PALLD: variants seen among roughly 807,000 people sequenced by gnomAD.
PALLD encodes the protein palladin.
In PALLD, 61 loss-of-function variants were observed where a neutral mutation model predicts 123.5. The observed-to-expected ratio is 0.49, with a 90% CI of 0.40 to 0.61. The LOEUF (loss-of-function observed/expected upper bound fraction) is 0.61, where lower values mean the gene tolerates loss of function less well. PALLD is among the 20% of genes least tolerant of loss of function. PALLD has a pLI of 0.00. For synonymous variants in PALLD, 465 were observed against 496.4 expected, an observed-to-expected ratio of 0.94 and a Z score of 0.84; for missense variants, 1,273 against 1,377.0, an observed-to-expected ratio of 0.92 and a Z score of 1.20.
intron 3 of PALLD, among the ~76,000 whole-genome samples, chr4:168,670,521 C>A (rs1229178882): frequency 6.6e-6 from 1 of 150,990 alleles, no homozygotes; most frequent in Non-Finnish European, 1.5e-5. Context: ...ATCATGAGGT[C>A]AGGAGATCGA....
chr4:168,873,427 C>G (rs1176833461), intron 10 of PALLD, among the ~76,000 whole-genome samples: 2 of 152,186 alleles, frequency 1.3e-5, no homozygotes, highest in Admixed American at 6.5e-5. Context: ...TGTTTTTCAG[C>G]TTTGTGATCT....
chr4:168,597,691 C>A (rs1772136286), intron 2 of PALLD, among the ~76,000 whole-genome samples: 1 of 151,818 alleles, frequency 6.6e-6, no homozygotes, highest in South Asian at 2.1e-4. Flanking sequence ...GAAAAAGTTT[C>A]TTTTAGTTTC....
chr4:168,779,758 C>T (rs550007936), intron 10 of PALLD, among the ~76,000 whole-genome samples: 5 of 152,242 alleles, frequency 3.3e-5, no homozygotes, highest in African/African-American at 1.2e-4. Flanking sequence ...TTCCCTGTAA[C>T]ATTCTAAATT....
At chr4:168,735,535 A>T (rs141004833) in intron 10 of PALLD, among the ~76,000 whole-genome samples, 2,936 of 152,232 alleles carry the variant, frequency 0.019, 91 homozygotes, top group South Asian at 0.14. Context: ...TTATGTTGCA[A>T]CCTGAGGCAG....
At chr4:168,516,073 A>T (rs1383556031) in intron 2 of PALLD, among the ~76,000 whole-genome samples, 1 of 152,220 alleles carries the variant, frequency 6.6e-6, no homozygotes, top group African/African-American at 2.4e-5. Context: ...TACAAACAGG[A>T]CTGAAAATAT....
chr4:168,819,168 C>T (rs1352128634), intron 10 of PALLD, among the ~76,000 whole-genome samples: 1 of 152,140 alleles, frequency 6.6e-6, no homozygotes, highest in Non-Finnish European at 1.5e-5. Flanking sequence ...TTGCCATTTA[C>T]AGAACTGTTT....
chr4:168,679,047 GGT>G (rs1394777807), intron 3 of PALLD, among the ~76,000 whole-genome samples: 1 of 140,964 alleles, frequency 7.1e-6, no homozygotes, highest in Admixed American at 7.1e-5. Flanking sequence ...GTGTGGTGTG[GGT>G]GTGTGTAGGT....
At chr4:168,740,295 T>C (rs1169739415) in intron 10 of PALLD, among the ~76,000 whole-genome samples, 1 of 152,226 alleles carries the variant, frequency 6.6e-6, no homozygotes, top group Non-Finnish European at 1.5e-5. Flanking sequence ...TCCTTCTGAA[T>C]GCACTTTTTG....
chr4:168,499,942 T>A lies in PALLD; in HGVS notation c.-83+2748T>A, dbSNP rs188224082. Among the ~76,000 whole-genome samples, 27 of 152,310 alleles carry A rather than the reference T, an allele frequency of 1.8e-4. No homozygotes were observed. The East Asian group carries it at 4.4e-3, about 25-fold the overall frequency. On this transcript the variant is annotated intron_variant, in intron 1 of 21. Coordinates refer to ENST00000505667, the MANE Select transcript of PALLD (RefSeq NM_001166108.2). ...CAAACAGACTTCAAAAGTTTTCCCC[T>A]TATCTAAATTTTTAAAGTAATTTCC...
At chr4:168,709,460 A>G (rs1437944162) in intron 9 of PALLD, among the ~76,000 whole-genome samples, 1 of 148,450 alleles carries the variant, frequency 6.7e-6, no homozygotes, top group African/African-American at 2.5e-5. Flanking sequence ...CCGTGAGCCA[A>G]GATCATCCCA....
Position 168,759,179 on chromosome 4 carries a change from C to T in PALLD, c.1964+47256C>T, listed in dbSNP as rs1201894089. Among the ~76,000 whole-genome samples, 4 of 9,046 alleles carry T rather than the reference C, an allele frequency of 4.4e-4. 1 individual carries two copies. Among genetic ancestry groups the T allele is most frequent in the Non-Finnish European group, 6.0e-4 (4 of 6,690 alleles). 5.9% of individuals were successfully genotyped at this position (9,046 alleles called of 152,430 possible). ...GGGTGACAAGAGTGAGACTCCATCTCAAAAAAAAAAAAAAAAAAAAAAAAT... is the reference window on the plus strand; with the variant it reads ...GGGTGACAAGAGTGAGACTCCATCTTAAAAAAAAAAAAAAAAAAAAAAAAT... On this transcript the variant is annotated intron_variant, in intron 10 of 21. Coordinates refer to ENST00000505667, the MANE Select transcript of PALLD (RefSeq NM_001166108.2).
intron 8 of PALLD, among the ~76,000 whole-genome samples, chr4:168,705,028 ACATC>A (rs1784096163): frequency 6.6e-6 from 1 of 152,182 alleles, no homozygotes; most frequent in Non-Finnish European, 1.5e-5. Flanking sequence ...TTTCCTACTT[ACATC>A]TTATATTTCA....
chr4:168,701,634 G>A (rs1019891738), intron 8 of PALLD, among the ~76,000 whole-genome samples: 1 of 152,176 alleles, frequency 6.6e-6, no homozygotes, highest in African/African-American at 2.4e-5. Context: ...TAGGTTTCAA[G>A]GCACAGAATT....
chr4:168,792,151 T>A (rs1326185543), intron 10 of PALLD, among the ~76,000 whole-genome samples: 2 of 152,120 alleles, frequency 1.3e-5, no homozygotes, highest in African/African-American at 4.8e-5. Flanking sequence ...GATTCGTACC[T>A]CTGTATAATT....
chr4:168,572,593 C>T (rs896950622), intron 2 of PALLD, among the ~76,000 whole-genome samples: 1 of 151,912 alleles, frequency 6.6e-6, no homozygotes, highest in Admixed American at 6.6e-5. Context: ...ATTTGATATC[C>T]CCCTTCCCAA....
At chr4:168,692,206 C>G (rs1265423143) in intron 8 of PALLD, among the ~76,000 whole-genome samples, 1 of 152,170 alleles carries the variant, frequency 6.6e-6, no homozygotes, top group Non-Finnish European at 1.5e-5. Context: ...CACTGCAGGT[C>G]AGATTACTGC....
chr4:168,782,923 A>C (rs909911869), intron 10 of PALLD, among the ~76,000 whole-genome samples: 1 of 152,036 alleles, frequency 6.6e-6, no homozygotes, highest in African/African-American at 2.4e-5. Context: ...TTAAAATAAA[A>C]AACAACAAAA....
At chr4:168,711,270 C>T (rs1179828513) in intron 9 of PALLD, among the ~76,000 whole-genome samples, 1 of 152,316 alleles carries the variant, frequency 6.6e-6, no homozygotes, top group South Asian at 2.1e-4. Flanking sequence ...TTGGTTGATA[C>T]TGTTTGTGTT....
intron 10 of PALLD, among the ~76,000 whole-genome samples, chr4:168,815,898 C>T (rs750433671): frequency 1.3e-5 from 2 of 152,172 alleles, no homozygotes; most frequent in African/African-American, 2.4e-5. Context: ...CTTAAGGGTA[C>T]TTTCTTCTGG....
Sources: allele counts gnomAD v4.1 joint callset (sites outside exome capture counted in the v4.1 genomes callset), GRCh38; gene constraint gnomAD v4.1.1; transcripts MANE v1.5; gene names NCBI Gene and HGNC (gene_info 2026-07-23, HGNC 2026-07-21).